LUZP2: variants seen among roughly 807,000 people sequenced by gnomAD.
The protein encoded by LUZP2 is leucine zipper protein 2.
Under a neutral mutation model 51.6 loss-of-function variants are expected in LUZP2, and 52 were observed. The ratio of observed to expected loss-of-function variants is 1.01; its 90% CI spans 0.81 to 1.27. The LOEUF (loss-of-function observed/expected upper bound fraction) is 1.27, where lower values mean the gene tolerates loss of function less well. LUZP2 is among the 50% of genes most tolerant of loss of function. The pLI, the probability that LUZP2 is intolerant of heterozygous loss-of-function variation, is 0.00. For synonymous variants in LUZP2, 154 were observed against 137.3 expected (o/e 1.12, Z -0.85); for missense variants, 436 against 395.4 (o/e 1.10, Z -0.87).
rs181377104 is a variant in LUZP2, at chr11:24,842,317, T to C, written c.397-63674T>C. ...AATAATTTGTATAGTAAATTAAATA[T>C]ATTACCTCCCAAGATGATGTAATAG... On this transcript the variant is annotated intron_variant, in intron 5 of 11. Coordinates refer to ENST00000336930, the MANE Select transcript of LUZP2 (RefSeq NM_001009909.4). Among the ~76,000 whole-genome samples the C allele has an allele frequency of 4.0e-5, 6 of 150,690 alleles. No homozygotes were observed. In the Admixed American group the frequency reaches 4.0e-4, roughly 10 times the overall value.
chr11:24,894,040 A>G (rs1176823861), intron 5 of LUZP2, among the ~76,000 whole-genome samples: 4 of 152,194 alleles, frequency 2.6e-5, no homozygotes, highest in African/African-American at 9.7e-5. Flanking sequence ...TTGAAAGCAG[A>G]TAACTCCTGT....
At chr11:24,739,197 T>A (rs1859047008) in intron 4 of LUZP2, among the ~76,000 whole-genome samples, 1 of 152,002 alleles carries the variant, frequency 6.6e-6, no homozygotes, top group Non-Finnish European at 1.5e-5. Flanking sequence ...TTGTGGTTTC[T>A]GAGGCAATGA....
At chr11:24,947,834 G>C (rs150738330) in intron 7 of LUZP2, among the ~76,000 whole-genome samples, 385 of 151,856 alleles carry the variant, frequency 2.5e-3, no homozygotes, top group Non-Finnish European at 4.0e-3. Context: ...TGTTAGTCTT[G>C]GTGTGGTCTC....
intron 1 of LUZP2, among the ~76,000 whole-genome samples, chr11:24,657,619 A>G (rs1172872246): frequency 6.6e-6 from 1 of 152,136 alleles, no homozygotes; most frequent in East Asian, 1.9e-4. Flanking sequence ...TTCAATTAGG[A>G]AAAGAGGAAG....
chr11:24,628,817 C>A (rs918197532), intron 1 of LUZP2, among the ~76,000 whole-genome samples: 1 of 152,214 alleles, frequency 6.6e-6, no homozygotes, highest in East Asian at 1.9e-4. Context: ...TTTTGCCCTC[C>A]CAAAATGCTG....
chr11:24,541,282 T>C lies in LUZP2; in HGVS notation c.62+43977T>C, dbSNP rs1347100838. 3.1e-5 allele frequency among the ~76,000 whole-genome samples: 4 copies of C among 128,690 alleles called. No individual in the cohort carries two copies. The East Asian group carries it at 9.6e-4, about 31-fold the overall frequency. The allele number at this position is 128,690 out of a possible 152,430, so 84.4% of individuals were successfully genotyped here. On this transcript the variant is annotated intron_variant, in intron 1 of 11. Transcript: ENST00000336930. ...GAAAAAAAAAAAAAAAAAAAAGGAG[T>C]GAGGTGATGGCATTCGCCTACAGCT...
intron 1 of LUZP2, 63 bp downstream of exon 1, chr11:24,497,368 T>TG: frequency 7.6e-7 from 1 of 1,310,550 alleles, no homozygotes; most frequent in Non-Finnish European, 1.0e-6. Flanking sequence ...TTGGTCCTAC[T>TG]GTGGGTCACC....
At chr11:24,750,390 T>C (rs536693410) in intron 4 of LUZP2, among the ~76,000 whole-genome samples, 282 of 152,280 alleles carry the variant, frequency 1.9e-3, no homozygotes, top group South Asian at 9.3e-3. Flanking sequence ...TATCTTCCAA[T>C]AGGGGAAAGA....
rs530504295 is a variant in LUZP2 at position 24,884,482 on chromosome 11, T to TA, written c.397-21508dup. Among the ~76,000 whole-genome samples the TA allele has an allele frequency of 2.7e-4, 41 of 152,144 alleles. No individual in the cohort carries two copies. The South Asian group carries it at 8.5e-3, about 32-fold the overall frequency. On this transcript the variant is annotated intron_variant, in intron 5 of 11. Transcript: ENST00000336930. Reference sequence around the variant, plus strand: ...CTAGTCATTTTTTCTCCCTATAAAATACAGCCTAAAACTAAACTCACTTAC... The same window carrying TA: ...CTAGTCATTTTTTCTCCCTATAAAATAACAGCCTAAAACTAAACTCACTTAC...
intron 3 of LUZP2, among the ~76,000 whole-genome samples, chr11:24,732,628 A>T (rs552768465): frequency 4.0e-5 from 6 of 151,850 alleles, no homozygotes; most frequent in African/African-American, 1.4e-4. Context: ...TACAAGTAGA[A>T]TCAGTACAAT....
In LUZP2 at chr11:25,079,547, A is replaced by AT. The variant is rs1390247847; in HGVS notation, c.*895dup. 3.9e-5 allele frequency: 6 copies of AT among 152,158 alleles called. No individual in the cohort carries two copies. The highest frequency in any genetic ancestry group is 2.0e-4 in the Admixed American group (3 of 15,276). 9.4% of individuals were successfully genotyped at this position (152,158 alleles called of 1,614,324 possible). A position where few individuals can be genotyped will look rare whatever the true frequency, so the allele number is the denominator to read the frequency against. On this transcript the variant is annotated 3_prime_UTR_variant, in exon 12 of 12. Coordinates refer to ENST00000336930, the MANE Select transcript of LUZP2 (RefSeq NM_001009909.4). Reference sequence around the variant, plus strand: ...GTTGATTCAATAAACCCAGATGCATATTTTTTGAAAACCAATGTGTTATTG... The same window carrying AT: ...GTTGATTCAATAAACCCAGATGCATATTTTTTTGAAAACCAATGTGTTATTG...
chr11:24,869,501 G>A (rs1451807214), intron 5 of LUZP2, among the ~76,000 whole-genome samples: 1 of 151,854 alleles, frequency 6.6e-6, no homozygotes, highest in African/African-American at 2.4e-5. Flanking sequence ...CTGTCGCCGA[G>A]GCTGGAGTGG....
At chr11:24,978,633 A>G (rs1009735157) in intron 8 of LUZP2, among the ~76,000 whole-genome samples, 3 of 151,798 alleles carry the variant, frequency 2.0e-5, no homozygotes, top group Non-Finnish European at 4.4e-5. Context: ...AATAGAAAAT[A>G]TATGACACAA....
chr11:24,602,451 G>A (rs1399504409), intron 1 of LUZP2, among the ~76,000 whole-genome samples: 1 of 140,038 alleles, frequency 7.1e-6, no homozygotes, highest in Non-Finnish European at 1.6e-5. Context: ...ATAAATAAAT[G>A]CACTATGGGC....
intron 5 of LUZP2, among the ~76,000 whole-genome samples, chr11:24,845,900 A>G (rs1168939208): frequency 6.6e-6 from 1 of 152,148 alleles, no homozygotes; most frequent in African/African-American, 2.4e-5. Flanking sequence ...AGCAGTCTGG[A>G]AACGGACTAA....
At chr11:24,559,524 G>T (rs1851969331) in intron 1 of LUZP2, among the ~76,000 whole-genome samples, 1 of 152,174 alleles carries the variant, frequency 6.6e-6, no homozygotes, top group African/African-American at 2.4e-5. Flanking sequence ...ACTATAGGTA[G>T]ACAGGAAGCA....
At chr11:24,627,820 T>A (rs1208650260) in intron 1 of LUZP2, among the ~76,000 whole-genome samples, 1 of 152,156 alleles carries the variant, frequency 6.6e-6, no homozygotes, top group Non-Finnish European at 1.5e-5. Context: ...CAGTGTCTCT[T>A]GTCACTATTC....
In LUZP2 at chr11:25,050,057, G is replaced by C; in HGVS notation, c.785G>C (p.Gly262Ala). Residue 262 changes from glycine (G) to alanine (A), a missense_variant, in exon 10 of 12, where the codon GGA (glycine) becomes GCA (alanine). Gly to Ala is a moderately conservative substitution (Grantham distance 60). Coordinates refer to ENST00000336930, the MANE Select transcript of LUZP2 (RefSeq NM_001009909.4). ...TTTAAGCCTCAACAAAGTGCTTCTG[G>C]AAACAATGAGAGCTCTCAAGTTGAG... ...AKSKPQQSAS[G>A]NNESSQVEST... The C allele has an allele frequency of 6.3e-7, 1 of 1,593,190 alleles. No individual in the cohort carries two copies. The highest frequency in any genetic ancestry group is 8.6e-7 in the Non-Finnish European group (1 of 1,169,584).
At chr11:24,555,765 A>G (rs1401420305) in intron 1 of LUZP2, among the ~76,000 whole-genome samples, 1 of 152,186 alleles carries the variant, frequency 6.6e-6, no homozygotes, top group African/African-American at 2.4e-5. Flanking sequence ...GCTTGAGTAC[A>G]GTAGTTCAAG....
Sources: allele counts gnomAD v4.1 joint callset (sites outside exome capture counted in the v4.1 genomes callset), GRCh38; gene constraint gnomAD v4.1.1; transcripts MANE v1.5; gene names NCBI Gene and HGNC (gene_info 2026-07-23, HGNC 2026-07-21).